SKOR2: variants seen among roughly 807,000 people sequenced by gnomAD.
The protein encoded by SKOR2 is LBX1 corepressor 1-like protein.
A neutral mutation model predicts 69.1 loss-of-function variants in SKOR2; 47 were observed. The observed-to-expected ratio is 0.68, with a 90% CI of 0.54 to 0.87. The LOEUF is 0.87. SKOR2 is among the 40% of genes least tolerant of loss of function. The pLI is 0.00. For missense variants in SKOR2, 1,404 were observed against 1,472.2 expected (o/e 0.95, Z 0.76); for synonymous variants, 717 against 672.6 (o/e 1.07, Z -1.02).
chr18:47,251,205 C>G (rs982509028), intron 1 of SKOR2, among the ~76,000 whole-genome samples, 169 bp downstream of exon 1: 2 of 152,250 alleles, frequency 1.3e-5, no homozygotes, highest in South Asian at 4.1e-4. Flanking sequence ...TCCTGCCCAA[C>G]AGCCAAAGAC....
At chr18:47,214,082 C>T (rs1026502224) in intron 7 of SKOR2, among the ~76,000 whole-genome samples, 1 of 152,176 alleles carries the variant, frequency 6.6e-6, no homozygotes. Flanking sequence ...TCAACATCAA[C>T]ATTAGACACC....
chr18:47,216,464 G>A (rs1253434546), intron 7 of SKOR2, among the ~76,000 whole-genome samples: 1 of 152,058 alleles, frequency 6.6e-6, no homozygotes, highest in Non-Finnish European at 1.5e-5. Context: ...CTCACATTGA[G>A]ATAAGTACAC....
chr18:47,230,286 G>A (rs776971671), intron 6 of SKOR2, among the ~76,000 whole-genome samples, 173 bp downstream of exon 6: 4 of 152,054 alleles, frequency 2.6e-5, no homozygotes, highest in Non-Finnish European at 5.9e-5. Context: ...AATTTTATCT[G>A]TGAGTCAATT....
intron 4 of SKOR2, among the ~76,000 whole-genome samples, chr18:47,238,476 C>T (rs998602862): frequency 2.0e-5 from 3 of 151,968 alleles, no homozygotes; most frequent in African/African-American, 7.2e-5. Context: ...GTGGCTGCCA[C>T]CACACCTGGC....
At chr18:47,229,450 T>G (rs554024979) in intron 6 of SKOR2, among the ~76,000 whole-genome samples, 1 of 152,216 alleles carries the variant, frequency 6.6e-6, no homozygotes, top group South Asian at 2.1e-4. Context: ...GGTCAGGAGT[T>G]CGAGACCTGC....
intron 4 of SKOR2, among the ~76,000 whole-genome samples, chr18:47,232,295 T>A (rs2064202956): frequency 6.6e-6 from 1 of 152,158 alleles, no homozygotes; most frequent in Non-Finnish European, 1.5e-5. Context: ...CGCATAAAGG[T>A]TAGATCGTTA....
intron 7 of SKOR2, 67 bp downstream of exon 7, chr18:47,219,876 A>T: frequency 1.5e-6 from 2 of 1,372,372 alleles, no homozygotes; most frequent in Non-Finnish European, 2.0e-6. Context: ...ACAGTTTCAT[A>T]CATATTGGGT....
chr18:47,224,052 T>C (rs2064170478), intron 6 of SKOR2, among the ~76,000 whole-genome samples: 1 of 151,976 alleles, frequency 6.6e-6, no homozygotes, highest in Non-Finnish European at 1.5e-5. Context: ...GTTACAGGCA[T>C]GCACCACCAT....
At chr18:47,238,564 C>G (rs2144505391) in intron 4 of SKOR2, among the ~76,000 whole-genome samples, 1 of 152,130 alleles carries the variant, frequency 6.6e-6, no homozygotes, top group East Asian at 1.9e-4. Context: ...CTCAGGCAAT[C>G]CACCTGCCTC....
chr18:47,206,286 A>G lies in SKOR2; in HGVS notation c.*610T>C, dbSNP rs550410045. ...TATATTCTTAATTACACTCAATATT[A>G]AACTGTAAAATATTTCCAAAGGAAT... On this transcript the variant is annotated 3_prime_UTR_variant, in exon 9 of 9. Coordinates refer to ENST00000425639, the MANE Select transcript of SKOR2 (RefSeq NM_001278063.4). The G allele has an allele frequency of 6.6e-6, 1 of 152,248 alleles. No individual in the cohort carries two copies. Among genetic ancestry groups the G allele is most frequent in the African/African-American group, 2.4e-5 (1 of 41,534 alleles). 9.4% of individuals were successfully genotyped at this position (152,248 alleles called of 1,614,324 possible).
chr18:47,207,494 C>T (rs1368979282), intron 8 of SKOR2, among the ~76,000 whole-genome samples: 3 of 152,076 alleles, frequency 2.0e-5, no homozygotes, highest in Non-Finnish European at 4.4e-5. Context: ...GTCTCTTTAG[C>T]CTTCTCAGCT....
At chr18:47,230,853 T>G in intron 5 of SKOR2, 82 bp downstream of exon 5, 1 of 1,379,448 alleles carries the variant, frequency 7.2e-7, no homozygotes, top group Non-Finnish European at 9.9e-7. Flanking sequence ...AAAAATATGG[T>G]GGAGAACAAA....
chr18:47,235,323 G>A (rs544164180), intron 4 of SKOR2, among the ~76,000 whole-genome samples: 2 of 152,220 alleles, frequency 1.3e-5, no homozygotes, highest in Admixed American at 6.5e-5. Context: ...ACTGGCCACT[G>A]CACTCCAGCC....
At chr18:47,212,294 T>G in intron 7 of SKOR2, 143 bp from the exon 8 acceptor site, 1 of 680,798 alleles carries the variant, frequency 1.5e-6, no homozygotes, top group Non-Finnish European at 2.1e-6. Flanking sequence ...CTCAGCGGTA[T>G]GAGGTTTCTG....
chr18:47,250,771 G>T (rs976974998), intron 1 of SKOR2, among the ~76,000 whole-genome samples: 33 of 152,260 alleles, frequency 2.2e-4, no homozygotes, highest in African/African-American at 7.9e-4. Flanking sequence ...GTCACTTTGG[G>T]TGGATCAGAG....
At chr18:47,243,362 A>G (rs2064257460) in intron 4 of SKOR2, among the ~76,000 whole-genome samples, 1 of 152,214 alleles carries the variant, frequency 6.6e-6, no homozygotes, top group Non-Finnish European at 1.5e-5. Flanking sequence ...GGACTAAGGA[A>G]TGTTTCTAAA....
intron 2 of SKOR2, 62 bp from the exon 3 acceptor site, chr18:47,245,623 A>G: frequency 7.1e-7 from 1 of 1,416,740 alleles, no homozygotes; most frequent in Non-Finnish European, 9.3e-7. Flanking sequence ...GCTAATGTCA[A>G]CAGTCAGCAG....
At position 47,248,182 on chromosome 18, in the gene SKOR2, G is replaced by A; in HGVS notation, c.1002C>T (p.Ala334=). The A allele has an allele frequency of 8.1e-7, 1 of 1,233,664 alleles. No individual in the cohort carries two copies. Among genetic ancestry groups the A allele is most frequent in the Non-Finnish European group, 1.0e-6 (1 of 991,300 alleles). 76.4% of individuals were successfully genotyped at this position (1,233,664 alleles called of 1,614,324 possible). Residue 334 remains alanine, a synonymous_variant, in exon 2 of 9, where the codon GCC becomes GCT. Transcript: ENST00000425639. The surrounding 1 kb of genome is among the most constrained non-coding windows in gnomAD (Gnocchi z 6.4). ...CCGAAGCAGCAGCCACAGAGAGGCT[G>A]GCGGCTGCGGCCGAGAGGCTGGCGG... ...VAAASLSAAA[A]SLSVAAASGG... is the part of the protein sequence containing the mutation.
chr18:47,207,502 G>C (rs1014712658), intron 8 of SKOR2, among the ~76,000 whole-genome samples: 13 of 152,128 alleles, frequency 8.5e-5, no homozygotes, highest in African/African-American at 2.9e-4. Context: ...AGCCTTCTCA[G>C]CTGTAGGGGG....
Sources: allele counts gnomAD v4.1 joint callset (sites outside exome capture counted in the v4.1 genomes callset), GRCh38; gene constraint gnomAD v4.1.1; non-coding constraint Gnocchi (gnomAD v3.1); transcripts MANE v1.5; gene names NCBI Gene and HGNC (gene_info 2026-07-23, HGNC 2026-07-21).